The following HMCN1 variants were observed in gnomAD, a reference collection of about 807,000 sequenced individuals.
HMCN1 encodes hemicentin-1.
HMCN1 carries 321 observed loss-of-function variants against 625.9 expected under a neutral mutation model. That is an observed-to-expected ratio of 0.51 (90% CI 0.47 to 0.56). HMCN1 has a LOEUF of 0.56. HMCN1 is among the 20% of genes least tolerant of loss of function. The pLI is 0.00. For missense variants in HMCN1, 6,588 were observed against 6,887.3 expected (o/e 0.96, Z 1.54); for synonymous variants, 2,425 against 2,417.6 (o/e 1.00, Z -0.09).
intron 32 of HMCN1, among the ~76,000 whole-genome samples, chr1:186,016,516 G>A (rs1306460892): frequency 6.6e-6 from 1 of 151,996 alleles, no homozygotes; most frequent in Non-Finnish European, 1.5e-5. Context: ...ATCGCAATGA[G>A]CAACAACATG....
chr1:186,116,053 T>C (rs1421009922), intron 75 of HMCN1, among the ~76,000 whole-genome samples: 1 of 151,570 alleles, frequency 6.6e-6, no homozygotes, highest in African/African-American at 2.4e-5. Context: ...TGCTCTCTTA[T>C]GTCCACTTTA....
intron 56 of HMCN1, among the ~76,000 whole-genome samples, chr1:186,081,894 C>G (rs1051563569): frequency 6.6e-6 from 1 of 152,092 alleles, no homozygotes; most frequent in Non-Finnish European, 1.5e-5. Context: ...AGAAATAATA[C>G]CAATTCTTTT....
In HMCN1 at chr1:185,781,880, C is replaced by T. The variant is rs961279411; in HGVS notation, c.268+46833C>T. 6.6e-5 allele frequency among the ~76,000 whole-genome samples: 10 copies of T among 152,000 alleles called. No individual in the cohort carries two copies. In the East Asian group the frequency reaches 7.7e-4, roughly 12 times the overall value. On this transcript the variant is annotated intron_variant, in intron 1 of 106. Transcript: ENST00000271588. ...CTATTAGGTCTGCTTGGTGCAGAGCCGAATTCAATTCCTGGATATCCTTGT... is the reference window on the plus strand; with the variant it reads ...CTATTAGGTCTGCTTGGTGCAGAGCTGAATTCAATTCCTGGATATCCTTGT...
intron 28 of HMCN1, among the ~76,000 whole-genome samples, chr1:186,002,926 T>C (rs530360231): frequency 1.3e-5 from 2 of 152,248 alleles, no homozygotes; most frequent in South Asian, 4.1e-4. Flanking sequence ...TTCCTAATTC[T>C]TTGGTGATCT....
At chr1:185,758,671 CAG>C (rs1655289203) in intron 1 of HMCN1, among the ~76,000 whole-genome samples, 1 of 152,034 alleles carries the variant, frequency 6.6e-6, no homozygotes, top group Admixed American at 6.6e-5. Context: ...TAGAAACAAA[CAG>C]AAACTCTTTG....
intron 30 of HMCN1, among the ~76,000 whole-genome samples, chr1:186,010,997 A>G (rs1035914107): frequency 6.6e-6 from 1 of 151,730 alleles, no homozygotes; most frequent in Non-Finnish European, 1.5e-5. Flanking sequence ...AGTATTCTCT[A>G]TCATCAAAAT....
At chr1:185,737,314 A>G (rs1398924698) in intron 1 of HMCN1, among the ~76,000 whole-genome samples, 1 of 151,852 alleles carries the variant, frequency 6.6e-6, no homozygotes, top group Non-Finnish European at 1.5e-5. Flanking sequence ...GCCACATCTG[A>G]CTAATTATTT....
intron 77 of HMCN1, among the ~76,000 whole-genome samples, chr1:186,118,912 TAA>T (rs1192191393): frequency 2.0e-5 from 3 of 152,202 alleles, no homozygotes; most frequent in Non-Finnish European, 4.4e-5. Context: ...GGAAATATTC[TAA>T]AATTAGATTG....
chr1:185,989,618 C>A lies in HMCN1; in HGVS notation c.3179C>A (p.Ala1060Asp), dbSNP rs2102025647. 1 of 1,613,958 alleles carries A rather than the reference C, an allele frequency of 6.2e-7. No individual in the cohort carries two copies. Among genetic ancestry groups the A allele is most frequent in the Non-Finnish European group, 8.5e-7 (1 of 1,179,970 alleles). ...ACTGCCACCAATACAGCCGGCTACG[C>A]CAAAAGGAAAGTGCAGCTAACAGTC... ...VCTATNTAGY[A>D]KRKVQLTVYV... Residue 1060 changes from alanine to aspartate, a missense_variant, in exon 21 of 107, where the codon GCC becomes GAC. Ala to Asp is a moderately radical substitution (Grantham distance 126). This residue lies in a region of HMCN1 where 4,628 missense variants were observed against 4,853.1 expected (regional missense o/e 0.95). Transcript: ENST00000271588.
chr1:186,081,140 A>G, intron 55 of HMCN1, 67 bp from the exon 56 acceptor site: 1 of 1,349,262 alleles, frequency 7.4e-7, no homozygotes, highest in Non-Finnish European at 1.1e-6. Context: ...TAAAGCTGTC[A>G]GAAAATTAGC....
chr1:186,154,066 G>C, intron 97 of HMCN1, 79 bp downstream of exon 97: 1 of 1,086,304 alleles, frequency 9.2e-7, no homozygotes, highest in Non-Finnish European at 1.4e-6. Context: ...AGGACATTGA[G>C]GCCTACATCT....
intron 89 of HMCN1, among the ~76,000 whole-genome samples, chr1:186,140,417 T>C (rs1475226938): frequency 3.9e-5 from 6 of 152,212 alleles, no homozygotes; most frequent in Non-Finnish European, 8.8e-5. Context: ...TCCTCATGAT[T>C]ACATGTAGGT....
chr1:185,767,027 A>G (rs1214153089), intron 1 of HMCN1, among the ~76,000 whole-genome samples: 1 of 151,870 alleles, frequency 6.6e-6, no homozygotes, highest in African/African-American at 2.4e-5. Flanking sequence ...AAAAAAAGGA[A>G]TTAAACCAAG....
intron 28 of HMCN1, 144 bp from the exon 29 acceptor site, chr1:186,003,574 A>G: frequency 1.3e-6 from 1 of 744,748 alleles, no homozygotes; most frequent in South Asian, 1.5e-5. Context: ...CAGAAATGAT[A>G]TGAAAAAGTA....
intron 6 of HMCN1, among the ~76,000 whole-genome samples, chr1:185,916,420 T>C (rs952202824): frequency 1.3e-5 from 2 of 152,122 alleles, no homozygotes; most frequent in African/African-American, 4.8e-5. Context: ...CTACCCAATA[T>C]TGTCATGGTT....
chr1:186,076,620 C>T lies in HMCN1; in HGVS notation c.8483C>T (p.Pro2828Leu). Residue 2828 changes from proline to leucine, a missense_variant and splice_region_variant, in exon 54 of 107, where the codon CCA becomes CTA. By Grantham distance (98) the Pro-to-Leu change is moderately conservative. Transcript: ENST00000271588. ...TCAAGTGATAAAGTATTGATTTTGC[C>T]AGGTAAAGATTGATACCAACAGGGT... ...LTSSDKVLIL[P>L]GGRVLQIPRA... The T allele has an allele frequency of 1.9e-6, 3 of 1,612,554 alleles. No individual in the cohort carries two copies. The highest frequency in any genetic ancestry group is 2.5e-6 in the Non-Finnish European group (3 of 1,179,500).
chr1:185,880,663 T>C (rs1364984226), intron 4 of HMCN1, among the ~76,000 whole-genome samples: 1 of 152,214 alleles, frequency 6.6e-6, no homozygotes, highest in Non-Finnish European at 1.5e-5. Flanking sequence ...TTTTTAATAT[T>C]TCTGCTGCCT....
At chr1:185,927,266 C>T (rs556101259) in intron 9 of HMCN1, among the ~76,000 whole-genome samples, 1 of 152,230 alleles carries the variant, frequency 6.6e-6, no homozygotes, top group African/African-American at 2.4e-5. Flanking sequence ...CCAGTACCTC[C>T]TAGATGATGA....
chr1:186,170,092 G>A (rs2102631656), intron 100 of HMCN1, among the ~76,000 whole-genome samples: 1 of 152,176 alleles, frequency 6.6e-6, no homozygotes, highest in African/African-American at 2.4e-5. Flanking sequence ...GGTCATTAGA[G>A]AAATGCAAAT....
Sources: allele counts gnomAD v4.1 joint callset (sites outside exome capture counted in the v4.1 genomes callset), GRCh38; gene constraint gnomAD v4.1.1; regional missense constraint gnomAD v4.1.1; transcripts MANE v1.5; gene names NCBI Gene and HGNC (gene_info 2026-07-23, HGNC 2026-07-21).